The following SLC36A1 variants were observed in gnomAD, a reference collection of about 807,000 sequenced individuals.
SLC36A1 encodes the protein proton-coupled amino acid transporter 1.
Under a neutral mutation model 47.5 loss-of-function variants are expected in SLC36A1, and 30 were observed. That is an observed-to-expected ratio of 0.63 (90% CI 0.47 to 0.86). SLC36A1 has a LOEUF of 0.86. Among genes scored for constraint, SLC36A1 ranks in the 40% least tolerant of loss-of-function variants. The pLI, the probability that SLC36A1 is intolerant of heterozygous loss-of-function variation, is 0.00. For missense variants in SLC36A1, 517 were observed against 606.0 expected (o/e 0.85, Z 1.54); for synonymous variants, 255 against 249.7 (o/e 1.02, Z -0.20).
At chr5:151,483,095 C>T (rs1192765902) in intron 10 of SLC36A1, among the ~76,000 whole-genome samples, 1 of 152,090 alleles carries the variant, frequency 6.6e-6, no homozygotes, top group Non-Finnish European at 1.5e-5. Context: ...TAAGTTTTAA[C>T]AGCTTTGATC....
the SLC36A1 span, chr5:151,546,329 C>T: frequency 2.7e-5 from 43 of 1,610,762 alleles, no homozygotes; most frequent in Admixed American, 6.7e-5. Flanking sequence ...AAGAAACCTT[C>T]GCTGTTCCCT....
At chr5:151,525,642 C>T in the SLC36A1 span, 2 of 998,296 alleles carry the variant, frequency 2.0e-6, no homozygotes, top group East Asian at 2.5e-5. Context: ...AAGGACCTAG[C>T]CCAGTGCCTG....
At chr5:151,457,854 GT>G (rs35595732) in intron 1 of SLC36A1, among the ~76,000 whole-genome samples, 12 of 143,620 alleles carry the variant, frequency 8.4e-5, no homozygotes, top group South Asian at 2.2e-4. Flanking sequence ...TTGTTTGTTT[GT>G]TTTTTTTTTT....
chr5:151,531,802 G>C, the SLC36A1 span: 1 of 1,613,392 alleles, frequency 6.2e-7, no homozygotes, highest in Non-Finnish European at 8.5e-7. This position sits in a 1 kb window ranked among gnomAD's most constrained non-coding sequence, Gnocchi z 5.7. Context: ...GCCCAGCGTG[G>C]ACAGCGGTAT....
At chr5:151,440,752 A>G (rs1172036581) in intron 1 of SLC36A1, among the ~76,000 whole-genome samples, 4 of 152,088 alleles carry the variant, frequency 2.6e-5, no homozygotes, top group Non-Finnish European at 4.4e-5. Context: ...AGGGTTTTCA[A>G]TCTCACTTTC....
intron 9 of SLC36A1, among the ~76,000 whole-genome samples, chr5:151,477,251 T>C (rs1377786438): frequency 6.6e-6 from 1 of 152,196 alleles, no homozygotes; most frequent in Non-Finnish European, 1.5e-5. Flanking sequence ...AAATGCTTCC[T>C]GAAAGGGTGA....
chr5:151,393,767 G>C, the SLC36A1 span, among the ~76,000 whole-genome samples: 1 of 152,156 alleles, frequency 6.6e-6, no homozygotes, highest in East Asian at 1.9e-4. Context: ...TCTGCCAAGA[G>C]ATCAGCTGTT....
intron 1 of SLC36A1, among the ~76,000 whole-genome samples, chr5:151,449,791 CG>C (rs140576323): frequency 0.035 from 5,355 of 152,220 alleles, 278 homozygotes; most frequent in African/African-American, 0.12. Flanking sequence ...GCAATTACTT[CG>C]GGGATGTTGT....
At chr5:151,429,004 G>A in the SLC36A1 span, among the ~76,000 whole-genome samples, 1 of 152,222 alleles carries the variant, frequency 6.6e-6, no homozygotes, top group South Asian at 2.1e-4. Context: ...CACATCTCTG[G>A]AATAGGCAGA....
rs1435393871 is a variant in SLC36A1, at chr5:151,488,185, G to A, written c.1362G>A (p.Glu454=). 2 of 1,614,164 alleles carry A rather than the reference G, an allele frequency of 1.2e-6. No homozygotes were observed. The highest frequency in any genetic ancestry group is 2.2e-5 in the East Asian group (1 of 44,866). The change falls in exon 11 of 11, where the codon GAG becomes GAA. Residue 454 remains glutamate, a synonymous_variant. Coordinates refer to ENST00000243389, the MANE Select transcript of SLC36A1 (RefSeq NM_078483.4). ...GFVGFVVGTY[E]ALYELIQPSN... is the part of the protein sequence containing the mutation. ...TGGGCTTTGTGGTGGGGACCTATGA[G>A]GCTCTCTATGAGCTGATCCAGCCAA...
At chr5:151,505,694 G>C in the SLC36A1 span, 1 of 1,614,100 alleles carries the variant, frequency 6.2e-7, no homozygotes, top group Non-Finnish European at 8.5e-7. Flanking sequence ...CAGCATAAGA[G>C]GGCCCAGCTC....
the SLC36A1 span, among the ~76,000 whole-genome samples, chr5:151,551,177 C>T: frequency 6.6e-6 from 1 of 152,152 alleles, no homozygotes; most frequent in Non-Finnish European, 1.5e-5. Flanking sequence ...AAATTCAGAG[C>T]CCCACTTACC....
chr5:151,361,431 AAAG>A, the SLC36A1 span, among the ~76,000 whole-genome samples: 4 of 152,222 alleles, frequency 2.6e-5, no homozygotes, highest in Non-Finnish European at 5.9e-5. Flanking sequence ...AATATCTACT[AAAG>A]AAGAACATTT....
intron 2 of SLC36A1, among the ~76,000 whole-genome samples, chr5:151,462,686 C>T (rs1175973274): frequency 6.7e-6 from 1 of 150,190 alleles, no homozygotes; most frequent in African/African-American, 2.5e-5. Context: ...TTTTTAAATA[C>T]TAAATGTATC....
At chr5:151,547,832 G>A in the SLC36A1 span, among the ~76,000 whole-genome samples, 1 of 152,156 alleles carries the variant, frequency 6.6e-6, no homozygotes, top group South Asian at 2.1e-4. Flanking sequence ...CATAGGGGAA[G>A]ATAAGAGGGA....
In SLC36A1 at chr5:151,488,387, C is replaced by A; in HGVS notation, c.*133C>A. On this transcript the variant is annotated 3_prime_UTR_variant, in exon 11 of 11. Transcript: ENST00000243389. Reference sequence around the variant, plus strand: ...TGTGTGGGAACCCCTCTGCCTGGCACCTGGATACCCTGGGCCAGGTAACCT... The same window carrying A: ...TGTGTGGGAACCCCTCTGCCTGGCAACTGGATACCCTGGGCCAGGTAACCT... 21 of 1,182,974 alleles carry A rather than the reference C, an allele frequency of 1.8e-5. No homozygotes were observed. The highest frequency in any genetic ancestry group is 2.5e-5 in the Non-Finnish European group (21 of 856,396). The allele number at this position is 1,182,974 out of a possible 1,614,324, so 73.3% of individuals were successfully genotyped here.
the SLC36A1 span, chr5:151,507,429 A>T: frequency 1.2e-6 from 2 of 1,614,184 alleles, no homozygotes; most frequent in Non-Finnish European, 1.7e-6. Context: ...TGGGTCCTCC[A>T]TGGCCACAGG....
In SLC36A1 at chr5:151,463,552, G is replaced by C. The variant is rs764374126; in HGVS notation, c.144-1G>C. On this transcript the variant is annotated splice_acceptor_variant, in intron 2 of 10. Transcript: ENST00000243389. LOFTEE classifies it high-confidence loss of function. ...ATTTCCTTGGCTGTCTTCCACTTCA[G>C]ATGGTTCCAGACCTTGATCCACCTG... 1.2e-6 allele frequency: 2 copies of C among 1,612,752 alleles called. No homozygotes were observed. The highest frequency in any genetic ancestry group is 2.2e-5 in the South Asian group (2 of 91,066).
At chr5:151,434,617 T>A (rs1314587701), upstream of SLC36A1, among the ~76,000 whole-genome samples, 2 of 152,174 alleles carry the variant, frequency 1.3e-5, no homozygotes, top group African/African-American at 4.8e-5. Flanking sequence ...CCTACATCTG[T>A]CATGGACTGT....
Sources: allele counts gnomAD v4.1 joint callset (sites outside exome capture counted in the v4.1 genomes callset), GRCh38; gene constraint gnomAD v4.1.1; non-coding constraint Gnocchi (gnomAD v3.1); transcripts MANE v1.5; gene names NCBI Gene and HGNC (gene_info 2026-07-23, HGNC 2026-07-21).